Variants in GABRG1 observed in about 807,000 individuals in gnomAD.
The protein encoded by GABRG1 is gamma-aminobutyric acid receptor subunit gamma-1.
In GABRG1, 49 loss-of-function variants were observed where a neutral mutation model predicts 49.8. The observed-to-expected ratio is 0.98, with a 90% CI of 0.78 to 1.25. The LOEUF (loss-of-function observed/expected upper bound fraction) is 1.25. GABRG1 is among the 50% of genes most tolerant of loss of function. The probability of loss-of-function intolerance (pLI) is 0.00; values close to 1 mark genes in which losing one functional copy is unlikely to be tolerated. For synonymous variants in GABRG1, 232 were observed against 185.1 expected (o/e 1.25, Z -2.06); for missense variants, 552 against 552.3 (o/e 1.00, Z 0.01).
intron 3 of GABRG1, among the ~76,000 whole-genome samples, chr4:46,069,959 C>T (rs1042247261): frequency 2.6e-5 from 4 of 151,666 alleles, no homozygotes; most frequent in Admixed American, 2.6e-4. Flanking sequence ...GATTTATGCA[C>T]CAATTAGTAA....
At chr4:46,063,337 C>T (rs574424601) in intron 5 of GABRG1, among the ~76,000 whole-genome samples, 69 of 152,082 alleles carry the variant, frequency 4.5e-4, no homozygotes, top group African/African-American at 1.7e-3. Context: ...ATCAACGGAA[C>T]AGAACAGAGC....
chr4:46,044,865 C>A (rs114963346), intron 8 of GABRG1, among the ~76,000 whole-genome samples: 5 of 152,088 alleles, frequency 3.3e-5, no homozygotes, highest in African/African-American at 1.2e-4. Context: ...TGAGAAGAAA[C>A]TTTCACTATC....
intron 3 of GABRG1, among the ~76,000 whole-genome samples, chr4:46,082,326 CTCT>C (rs1719606729): frequency 6.6e-6 from 1 of 151,448 alleles, no homozygotes; most frequent in African/African-American, 2.4e-5. Context: ...TCCCTTATTT[CTCT>C]TCTTCTCTCC....
chr4:46,042,511 A>C (rs1411129795), intron 8 of GABRG1, among the ~76,000 whole-genome samples: 1 of 151,988 alleles, frequency 6.6e-6, no homozygotes, highest in Non-Finnish European at 1.5e-5. Context: ...CAATTTTATA[A>C]AAATTGTTTT....
chr4:46,064,401 G>A (rs755670511), intron 5 of GABRG1, 40 bp downstream of exon 5: 7 of 1,105,084 alleles, frequency 6.3e-6, no homozygotes, highest in Non-Finnish European at 1.3e-6. Flanking sequence ...AGCTTCTAAG[G>A]TTAAAATTCT....
intron 8 of GABRG1, among the ~76,000 whole-genome samples, chr4:46,049,611 G>C (rs1304426121): frequency 6.6e-6 from 1 of 151,710 alleles, no homozygotes; most frequent in East Asian, 1.9e-4. Context: ...TGCAACCTAG[G>C]CTTGATGCTA....
intron 8 of GABRG1, among the ~76,000 whole-genome samples, chr4:46,043,489 T>G (rs1440317977): frequency 6.6e-6 from 1 of 151,864 alleles, no homozygotes; most frequent in African/African-American, 2.4e-5. Flanking sequence ...TCTAACACAA[T>G]GTCAATAAAA....
chr4:46,048,357 C>T (rs1330619251), intron 8 of GABRG1, among the ~76,000 whole-genome samples: 1 of 140,648 alleles, frequency 7.1e-6, no homozygotes, highest in Non-Finnish European at 1.5e-5. Context: ...AAAATTTGGT[C>T]ATAATGGAAT....
intron 3 of GABRG1, among the ~76,000 whole-genome samples, chr4:46,078,708 G>A (rs1719450538): frequency 6.6e-6 from 1 of 151,836 alleles, no homozygotes; most frequent in African/African-American, 2.4e-5. Flanking sequence ...AAGTTAAAGA[G>A]GCTTACTTAA....
intron 5 of GABRG1, among the ~76,000 whole-genome samples, chr4:46,059,011 T>G (rs959932312): frequency 1.3e-5 from 2 of 152,162 alleles, no homozygotes; most frequent in Non-Finnish European, 2.9e-5. Context: ...CCTTTGAATT[T>G]TATTTGATCA....
At chr4:46,111,687 C>A (rs939400400) in intron 1 of GABRG1, among the ~76,000 whole-genome samples, 3 of 151,290 alleles carry the variant, frequency 2.0e-5, no homozygotes, top group Admixed American at 1.3e-4. Flanking sequence ...AATAAAACTG[C>A]ACACCTACAG....
intron 5 of GABRG1, among the ~76,000 whole-genome samples, chr4:46,063,927 G>A (rs578080077): frequency 6.6e-6 from 1 of 152,044 alleles, no homozygotes; most frequent in Non-Finnish European, 1.5e-5. Context: ...ACTTCTCTAT[G>A]AATCAATCTT....
At position 46,106,901 on chromosome 4, in the gene GABRG1, T is replaced by G. The variant is rs577460054; in HGVS notation, c.105-9552A>C. Among the ~76,000 whole-genome samples the G allele has an allele frequency of 5.3e-5, 8 of 151,268 alleles. No individual in the cohort carries two copies. In the South Asian group the frequency reaches 1.7e-3, roughly 31 times the overall value. Reference sequence around the variant, plus strand: ...CTTTCCAGCTCCAAACGCAACTACATTTAATCATTTTTTTAATTAAAAAAA... The same window carrying G: ...CTTTCCAGCTCCAAACGCAACTACAGTTAATCATTTTTTTAATTAAAAAAA... On this transcript the variant is annotated intron_variant, in intron 1 of 8. Coordinates refer to ENST00000295452, the MANE Select transcript of GABRG1 (RefSeq NM_173536.4).
intron 2 of GABRG1, among the ~76,000 whole-genome samples, chr4:46,087,941 CAT>C (rs1273286614): frequency 6.6e-6 from 1 of 151,982 alleles, no homozygotes; most frequent in Non-Finnish European, 1.5e-5. Context: ...CCAGTAGAAA[CAT>C]ATGGCTGTTT....
At chr4:46,118,259 TATC>T (rs1720993137) in intron 1 of GABRG1, among the ~76,000 whole-genome samples, 1 of 149,798 alleles carries the variant, frequency 6.7e-6, no homozygotes, top group African/African-American at 2.4e-5. Flanking sequence ...TCTATCTATC[TATC>T]TATCTATCTA....
intron 1 of GABRG1, among the ~76,000 whole-genome samples, chr4:46,121,420 T>G (rs1203635515): frequency 6.6e-6 from 1 of 152,016 alleles, no homozygotes; most frequent in East Asian, 1.9e-4. Context: ...ATTTTACTTA[T>G]TTTAAAAGAA....
At chr4:46,053,285 T>C (rs1718306561) in intron 7 of GABRG1, among the ~76,000 whole-genome samples, 1 of 151,924 alleles carries the variant, frequency 6.6e-6, no homozygotes, top group Admixed American at 6.6e-5. Flanking sequence ...ATGATCTATA[T>C]GCACTTGAAA....
intron 1 of GABRG1, among the ~76,000 whole-genome samples, chr4:46,101,519 A>G (rs1035003747): frequency 6.6e-6 from 1 of 151,642 alleles, no homozygotes; most frequent in African/African-American, 2.4e-5. Flanking sequence ...TGTGATCTCA[A>G]TCTCTGACCC....
At chr4:46,050,309 C>T (rs1228656751) in intron 8 of GABRG1, among the ~76,000 whole-genome samples, 2 of 151,700 alleles carry the variant, frequency 1.3e-5, no homozygotes, top group East Asian at 1.9e-4. Context: ...TATCTGAAAG[C>T]AAAATACACC....
Sources: gnomAD v4.1 joint callset for allele counts (sites outside exome capture counted in the v4.1 genomes callset) on GRCh38, gnomAD v4.1.1 for gene constraint, MANE v1.5 for transcripts, NCBI Gene and HGNC (gene_info 2026-07-23, HGNC 2026-07-21) for gene names.